Variants in MYSM1 observed in about 807,000 individuals in gnomAD.
The protein encoded by MYSM1 is deubiquitinase MYSM1.
A neutral mutation model predicts 116.0 loss-of-function variants in MYSM1; 51 were observed. That is an observed-to-expected ratio of 0.44 (90% CI 0.35 to 0.56). MYSM1 has a LOEUF of 0.56. MYSM1 is among the 20% of genes least tolerant of loss of function. The pLI is 0.00. For missense variants in MYSM1, 900 were observed against 974.9 expected (o/e 0.92, Z 1.02); for synonymous variants, 313 against 315.2 (o/e 0.99, Z 0.07).
chr1:58,663,916 T>C (rs753583602), intron 17 of MYSM1, among the ~76,000 whole-genome samples: 3 of 152,188 alleles, frequency 2.0e-5, no homozygotes, highest in Non-Finnish European at 2.9e-5. Flanking sequence ...GCTAGGGTAA[T>C]GTGGGGCTCT....
At chr1:58,669,690 T>A (rs1407395221) in intron 12 of MYSM1, among the ~76,000 whole-genome samples, 1 of 151,528 alleles carries the variant, frequency 6.6e-6, no homozygotes, top group Non-Finnish European at 1.5e-5. Context: ...TAGCTGAGCG[T>A]GGTGGCGTGT....
At position 58,663,310 on chromosome 1, in the gene MYSM1, T is replaced by C. The variant is rs1370407206; in HGVS notation, c.2165-1799A>G. On this transcript the variant is annotated intron_variant, in intron 17 of 19. Coordinates refer to ENST00000472487, the MANE Select transcript of MYSM1 (RefSeq NM_001085487.3). ...ATATTTTTTAAGTTAAAAAAGGTACTTTTAAAGTCAATAAGTTTCTTTTAT... is the reference window on the plus strand; with the variant it reads ...ATATTTTTTAAGTTAAAAAAGGTACCTTTAAAGTCAATAAGTTTCTTTTAT... Among the ~76,000 whole-genome samples the C allele has an allele frequency of 6.1e-5, 5 of 82,196 alleles. No homozygotes were observed. The Admixed American group carries it at 7.0e-4, about 12-fold the overall frequency. The allele number at this position is 82,196 out of a possible 152,430, so 53.9% of individuals were successfully genotyped here. A position where few individuals can be genotyped will look rare whatever the true frequency, so the allele number is the denominator to read the frequency against.
At chr1:58,681,032 G>A (rs1347185322) in intron 8 of MYSM1, among the ~76,000 whole-genome samples, 4 of 152,024 alleles carry the variant, frequency 2.6e-5, no homozygotes, top group Non-Finnish European at 4.4e-5. Context: ...GTTTCACCAC[G>A]TGGGCCAGGC....
intron 12 of MYSM1, among the ~76,000 whole-genome samples, chr1:58,670,503 G>A (rs1644543889): frequency 6.6e-6 from 1 of 152,206 alleles, no homozygotes; most frequent in East Asian, 1.9e-4. Context: ...TTAACCAAGT[G>A]AAGAGGTGAC....
intron 2 of MYSM1, 74 bp downstream of exon 2, chr1:58,695,052 TAAA>T (rs66629118): frequency 5.2e-4 from 339 of 653,552 alleles, no homozygotes; most frequent in South Asian, 1.2e-3. Flanking sequence ...GCACTAAGTT[TAAA>T]AAAAAAAAAA....
intron 1 of MYSM1, among the ~76,000 whole-genome samples, chr1:58,698,102 A>ATATTTTTTTTTTTTTTTT: frequency 1.3e-4 from 1 of 7,776 alleles, no homozygotes; most frequent in African/African-American, 2.6e-4. Context: ...ATATATATAT[A>ATATTTTTTTTTTTTTTTT]TTTTTTTTTT....
At chr1:58,693,030 G>A (rs1644924552) in intron 2 of MYSM1, 99 bp from the exon 3 acceptor site, 3 of 921,498 alleles carry the variant, frequency 3.3e-6, no homozygotes, top group Non-Finnish European at 4.9e-6. Flanking sequence ...GATTATAAAT[G>A]ACAGTCACCA....
intron 2 of MYSM1, among the ~76,000 whole-genome samples, chr1:58,693,741 T>G (rs1644934253): frequency 6.6e-6 from 1 of 152,252 alleles, no homozygotes. Flanking sequence ...AACTGGTCCC[T>G]TTAACTCCAC....
intron 15 of MYSM1, 28 bp downstream of exon 15, chr1:58,667,819 A>C: frequency 7.0e-7 from 1 of 1,424,626 alleles, no homozygotes; most frequent in Non-Finnish European, 9.9e-7. Flanking sequence ...TAAATAACTA[A>C]AACATTTTTT....
intron 1 of MYSM1, among the ~76,000 whole-genome samples, chr1:58,699,410 A>G (rs1645030630): frequency 6.6e-6 from 1 of 152,206 alleles, no homozygotes; most frequent in Admixed American, 6.5e-5. Flanking sequence ...AGGCTCAGAC[A>G]AGTTAAGTGT....
chr1:58,683,140 A>G (rs909937515), intron 7 of MYSM1, among the ~76,000 whole-genome samples: 2 of 152,204 alleles, frequency 1.3e-5, no homozygotes, highest in Admixed American at 6.6e-5. Flanking sequence ...ATTTTTATTA[A>G]TCAAATAATC....
At chr1:58,687,474 G>A (rs1253051313) in intron 6 of MYSM1, among the ~76,000 whole-genome samples, 1 of 152,072 alleles carries the variant, frequency 6.6e-6, no homozygotes, top group African/African-American at 2.4e-5. Context: ...ACCCAAAAAT[G>A]AACCTTAAAT....
At position 58,693,110 on chromosome 1, in the gene MYSM1, A is replaced by G. The variant is rs1053566539; in HGVS notation, c.148-179T>C. Among the ~76,000 whole-genome samples, 12 of 152,236 alleles carry G rather than the reference A, an allele frequency of 7.9e-5. 1 individual carries two copies. Among genetic ancestry groups the G allele is most frequent in the Admixed American group, 7.2e-4 (11 of 15,282 alleles). On this transcript the variant is annotated intron_variant, in intron 2 of 19. Transcript: ENST00000472487. ...GAGATAGGCATTAATACTTTACAGA[A>G]GCAACCACAGCACTACTAGCATTTT...
chr1:58,688,828 T>G (rs531741309), intron 6 of MYSM1, among the ~76,000 whole-genome samples: 30 of 152,290 alleles, frequency 2.0e-4, no homozygotes, highest in African/African-American at 7.0e-4. Flanking sequence ...CTAAATCTAT[T>G]TTAGTATTTT....
chr1:58,675,768 A>G (rs1457408303), intron 9 of MYSM1, among the ~76,000 whole-genome samples, 188 bp from the exon 10 acceptor site: 1 of 152,226 alleles, frequency 6.6e-6, no homozygotes, highest in Non-Finnish European at 1.5e-5. Context: ...ATCTTAATAA[A>G]TGGAATATTT....
chr1:58,698,978 G>A (rs964354015), intron 1 of MYSM1, among the ~76,000 whole-genome samples: 5 of 152,146 alleles, frequency 3.3e-5, no homozygotes, highest in South Asian at 2.1e-4. Context: ...TGAAGTTGCC[G>A]CTTTATAGAA....
intron 3 of MYSM1, 161 bp downstream of exon 3, chr1:58,692,700 A>G: frequency 3.8e-6 from 2 of 523,362 alleles, no homozygotes; most frequent in Non-Finnish European, 6.7e-6. Context: ...CCTGAGGAAG[A>G]AAATGCTGCT....
In MYSM1 at chr1:58,675,523, T is replaced by A; in HGVS notation, c.1448A>T (p.Lys483Ile). ...TVDKVRIRDRKDAVEAYQLAQ... is the reference protein window; with the variant it reads ...TVDKVRIRDRIDAVEAYQLAQ... ...AAGTTGGTATGCTTCTACTGCATCT[T>A]TTCTGTCTCTGATTCGTACTTTGTC... Residue 483 changes from lysine to isoleucine, a missense_variant, in exon 10 of 20, where the codon AAA (lysine) becomes ATA (isoleucine). Physicochemically the swap from Lys to Ile is moderately radical, Grantham distance 102. Coordinates refer to ENST00000472487, the MANE Select transcript of MYSM1 (RefSeq NM_001085487.3). The A allele has an allele frequency of 6.2e-7, 1 of 1,613,636 alleles. No individual in the cohort carries two copies. Among genetic ancestry groups the A allele is most frequent in the Non-Finnish European group, 8.5e-7 (1 of 1,179,764 alleles).
intron 16 of MYSM1, 150 bp downstream of exon 16, chr1:58,666,888 T>A (rs955393224): frequency 8.8e-5 from 19 of 216,538 alleles, no homozygotes; most frequent in Middle Eastern, 1.1e-3. Context: ...AAAAAAATAA[T>A]AATAAAAATA....
Sources: gnomAD v4.1 joint callset for allele counts (sites outside exome capture counted in the v4.1 genomes callset) on GRCh38, gnomAD v4.1.1 for gene constraint, MANE v1.5 for transcripts, NCBI Gene and HGNC (gene_info 2026-07-23, HGNC 2026-07-21) for gene names.